HMGB4: variants seen among roughly 807,000 people sequenced by gnomAD.
HMGB4 encodes the protein high mobility group box 4.
For synonymous variants in HMGB4, 82 were observed against 84.9 expected (o/e 0.97, Z 0.19); for missense variants, 217 against 220.4 (o/e 0.98, Z 0.10).
In HMGB4 at chr1:33,864,100, G is replaced by A. The variant is rs972984362; in HGVS notation, c.-92G>A. ...TTGCAGACAGAAAAATTCGCTGCAA[G>A]TACAGCACTTTCTAGATTGCTCCTG... On this transcript the variant is annotated 5_prime_UTR_variant, in exon 1 of 1. Transcript: ENST00000681531. 8 of 1,283,292 alleles carry A rather than the reference G, an allele frequency of 6.2e-6. No homozygotes were observed. The highest frequency in any genetic ancestry group is 8.6e-6 in the Non-Finnish European group (8 of 926,190). 79.5% of individuals were successfully genotyped at this position (1,283,292 alleles called of 1,614,324 possible).
At position 33,864,461 on chromosome 1, in the gene HMGB4, C is replaced by A; in HGVS notation, c.270C>A (p.Pro90=). The change falls in exon 1 of 1, where the codon CCC becomes CCA. Residue 90 remains proline (P), a synonymous_variant. Transcript: ENST00000681531. ...GGAAGAAACGGAGAAAGCGGGATCC[C>A]CAGGAACCCAGACGGCCTCCATCAT... The part of the protein sequence containing the change: ...GKRKKRRKRD[P]QEPRRPPSSF... The A allele has an allele frequency of 6.2e-7, 1 of 1,613,738 alleles. No individual in the cohort carries two copies. Among genetic ancestry groups the A allele is most frequent in the Non-Finnish European group, 8.5e-7 (1 of 1,179,698 alleles).
At chr1:33,861,191 A>T (rs1639471482), upstream of HMGB4, 1 of 152,330 alleles carries the variant, frequency 6.6e-6, no homozygotes, top group East Asian at 1.9e-4. Context: ...TGTAAAATGT[A>T]TTTCTTATTG....
chr1:33,860,739 C>G (rs943018538), upstream of HMGB4: 2 of 152,186 alleles, frequency 1.3e-5, no homozygotes, highest in Non-Finnish European at 2.9e-5. Flanking sequence ...TTATATGTGT[C>G]TGGCTTAAAA....
chr1:33,863,899 C>T (rs920948354), upstream of HMGB4: 9 of 321,268 alleles, frequency 2.8e-5, no homozygotes, highest in Admixed American at 4.7e-5. Flanking sequence ...AATGAACCAT[C>T]ATCTTTCATG....
At chr1:33,861,346 C>T (rs1639486891), upstream of HMGB4, 1 of 152,140 alleles carries the variant, frequency 6.6e-6, no homozygotes, top group Admixed American at 6.5e-5. Flanking sequence ...TAGGTATTTT[C>T]TATGGTTACT....
chr1:33,864,106 C>A lies in HMGB4; in HGVS notation c.-86C>A. ...ACAGAAAAATTCGCTGCAAGTACAGCACTTTCTAGATTGCTCCTGGAGTGT... is the reference window on the plus strand; with the variant it reads ...ACAGAAAAATTCGCTGCAAGTACAGAACTTTCTAGATTGCTCCTGGAGTGT... On this transcript the variant is annotated 5_prime_UTR_variant, in exon 1 of 1. Transcript: ENST00000681531. 7.6e-7 allele frequency: 1 copy of A among 1,320,340 alleles called. No homozygotes were observed. The highest frequency in any genetic ancestry group is 1.0e-6 in the Non-Finnish European group (1 of 959,190). 81.8% of individuals were successfully genotyped at this position (1,320,340 alleles called of 1,614,324 possible).
chr1:33,862,820 A>G (rs1639642727), upstream of HMGB4: 1 of 152,192 alleles, frequency 6.6e-6, no homozygotes, highest in African/African-American at 2.4e-5. Flanking sequence ...CTGGGCAAGA[A>G]TTCAGGATTG....
Position 33,864,742 on chromosome 1 carries a change from G to T in HMGB4, c.551G>T (p.Arg184Met). The T allele has an allele frequency of 1.2e-6, 2 of 1,607,718 alleles. No homozygotes were observed. The highest frequency in any genetic ancestry group is 1.7e-6 in the Non-Finnish European group (2 of 1,177,584). The change falls in exon 1 of 1, where the codon AGG (arginine) becomes ATG (methionine). Residue 184 changes from arginine (R) to methionine (M), a missense_variant. By Grantham distance (91) the Arg-to-Met change is moderately conservative (BLOSUM62 -1). Coordinates refer to ENST00000681531, the MANE Select transcript of HMGB4 (RefSeq NM_001379301.1). ...AACCGGTGCAGAGGGAAAAGAGTCA[G>T]GCAGAGCTGATGGATCCAGTTTGAA... is the stretch of plus-strand genomic sequence containing the variant. ...ARNRCRGKRV[R>M]QS
Position 33,864,627 on chromosome 1 carries a change from G to A in HMGB4, c.436G>A (p.Val146Met). Residue 146 changes from valine to methionine, a missense_variant, in exon 1 of 1, where the codon GTG (valine) becomes ATG (methionine). Coordinates refer to ENST00000681531, the MANE Select transcript of HMGB4 (RefSeq NM_001379301.1). Reference sequence around the variant, plus strand: ...GGAGAAGCACCCTTATGAGCAAAGAGTGGCTCTCCTGAGAGCTAAGTACTT... The same window carrying A: ...GGAGAAGCACCCTTATGAGCAAAGAATGGCTCTCCTGAGAGCTAAGTACTT... Reference protein sequence around the residue: ...DLEKHPYEQRVALLRAKYFEE... With the variant: ...DLEKHPYEQRMALLRAKYFEE... 2 of 1,613,984 alleles carry A rather than the reference G, an allele frequency of 1.2e-6. No individual in the cohort carries two copies. The highest frequency in any genetic ancestry group is 1.7e-6 in the Non-Finnish European group (2 of 1,179,984).
Position 33,864,608 on chromosome 1 carries a change from G to A in HMGB4, c.417G>A (p.Lys139=). 6.2e-7 allele frequency: 1 copy of A among 1,614,012 alleles called. No homozygotes were observed. The highest frequency in any genetic ancestry group is 8.5e-7 in the Non-Finnish European group (1 of 1,180,012). The part of the protein sequence containing the change: ...KMWSTATDLE[K]HPYEQRVALL... ...GGTCAACAGCGACAGACCTGGAGAA[G>A]CACCCTTATGAGCAAAGAGTGGCTC... The change falls in exon 1 of 1, where the codon AAG becomes AAA. Residue 139 remains lysine (K), a synonymous_variant. Transcript: ENST00000681531.
upstream of HMGB4, among the ~76,000 whole-genome samples, chr1:33,861,534 C>A (rs1384633269): frequency 6.6e-6 from 1 of 152,190 alleles, no homozygotes; most frequent in Non-Finnish European, 1.5e-5. Context: ...ACTGTCCTTG[C>A]AGGCATGCTT....
chr1:33,863,111 A>C (rs1639670665), upstream of HMGB4: 1 of 152,142 alleles, frequency 6.6e-6, no homozygotes, highest in Admixed American at 6.5e-5. Flanking sequence ...TTTTTATGTT[A>C]ATGAAACTCA....
In HMGB4 at chr1:33,864,488, C is replaced by CT. The variant is rs779790808; in HGVS notation, c.299dup (p.Leu101ProfsTer43). 1 of 1,613,628 alleles carries CT rather than the reference C, an allele frequency of 6.2e-7. No homozygotes were observed. The highest frequency in any genetic ancestry group is 2.2e-5 in the East Asian group (1 of 44,846). ...AGGAACCCAGACGGCCTCCATCATC[C>CT]TTCCTACTCTTCTGCCAAGACCACT... On this transcript the variant is annotated frameshift_variant, in exon 1 of 1. Transcript: ENST00000681531. LOFTEE classifies it low-confidence loss of function (END_TRUNC).
rs763838936 is a variant in HMGB4, at chr1:33,864,215, G to A, written c.24G>A (p.Lys8=). The change falls in exon 1 of 1, where the codon AAG becomes AAA. Residue 8 remains lysine, a synonymous_variant. Transcript: ENST00000681531. ...ACATGGGAAAAGAAATCCAGCTAAA[G>A]CCTAAGGCAAATGTCTCTTCTTACG... MGKEIQL[K]PKANVSSYVH... The A allele has an allele frequency of 1.2e-6, 2 of 1,608,150 alleles. No individual in the cohort carries two copies. The highest frequency in any genetic ancestry group is 2.2e-5 in the South Asian group (2 of 89,684).
At chr1:33,861,813 G>C (rs543965486), upstream of HMGB4, among the ~76,000 whole-genome samples, 69 of 152,278 alleles carry the variant, frequency 4.5e-4, no homozygotes, top group African/African-American at 1.6e-3. Context: ...TGGAAGGAGA[G>C]AGTCATTTAG....
At chr1:33,863,574 T>C (rs1639710493), upstream of HMGB4, 1 of 152,286 alleles carries the variant, frequency 6.6e-6, no homozygotes, top group Non-Finnish European at 1.5e-5. Context: ...ACAGCTGTCA[T>C]ACCTGATTAC....
At chr1:33,862,374 TGTGTGTGTGTG>T (rs1241218379), upstream of HMGB4, 8 of 152,262 alleles carry the variant, frequency 5.3e-5, no homozygotes, top group African/African-American at 1.9e-4. Context: ...TGTGTGTGTG[TGTGTGTGTGTG>T]TGTGTGTGTG....
chr1:33,862,929 T>C (rs1639654096), upstream of HMGB4: 1 of 152,152 alleles, frequency 6.6e-6, no homozygotes, highest in African/African-American at 2.4e-5. Context: ...TATGGTCTAG[T>C]CTTAGGCAAG....
upstream of HMGB4, among the ~76,000 whole-genome samples, chr1:33,862,013 T>C (rs1639557273): frequency 6.6e-6 from 1 of 152,096 alleles, no homozygotes; most frequent in East Asian, 1.9e-4. Context: ...ATGTGGCTCA[T>C]ACAGACCAGC....
Sources: gnomAD v4.1 joint callset for allele counts (sites outside exome capture counted in the v4.1 genomes callset) on GRCh38, gnomAD v4.1.1 for gene constraint, MANE v1.5 for transcripts, NCBI Gene and HGNC (gene_info 2026-07-23, HGNC 2026-07-21) for gene names.